ANKRD17: variants seen among roughly 807,000 people sequenced by gnomAD.
ANKRD17 encodes ankyrin repeat domain 17.
In ANKRD17, 19 loss-of-function variants were observed where a neutral mutation model predicts 229.7. The ratio of observed to expected loss-of-function variants is 0.08; its 90% confidence interval spans 0.06 to 0.12. ANKRD17 has a LOEUF of 0.12. ANKRD17 is among the 10% of genes least tolerant of loss of function. ANKRD17 has a pLI of 1.00. For missense variants in ANKRD17, 2,176 were observed against 3,176.8 expected (o/e 0.68, Z 7.57); for synonymous variants, 1,112 against 1,146.1 (o/e 0.97, Z 0.60).
chr4:73,074,350 T>C lies in ANKRD17; in HGVS notation c.*1881A>G, dbSNP rs955336337. On this transcript the variant is annotated 3_prime_UTR_variant, in exon 34 of 34. Coordinates refer to ENST00000358602, the MANE Select transcript of ANKRD17 (RefSeq NM_032217.5). ...GAAAGAATTAAGAAAAAAAATTTTA[T>C]GTATAGAATAGTGGCAAGTCATATA... is the stretch of plus-strand genomic sequence containing the variant. The C allele has an allele frequency of 1.3e-5, 2 of 152,010 alleles. No individual in the cohort carries two copies. Among genetic ancestry groups the C allele is most frequent in the African/African-American group, 2.4e-5 (1 of 41,442 alleles). The allele number at this position is 152,010 out of a possible 1,614,324, so 9.4% of individuals were successfully genotyped here.
At chr4:73,098,754 G>A in intron 25 of ANKRD17, 1 of 1,028,304 alleles carries the variant, frequency 9.7e-7, no homozygotes, top group Non-Finnish European at 1.5e-6. Flanking sequence ...GGCATTTCTG[G>A]TGCTGGCGTG....
At chr4:73,200,673 A>G (rs920595536) in intron 1 of ANKRD17, among the ~76,000 whole-genome samples, 1 of 152,190 alleles carries the variant, frequency 6.6e-6, no homozygotes, top group Non-Finnish European at 1.5e-5. Context: ...TCTAAATGCC[A>G]TTAGTTTTTG....
chr4:73,149,230 T>C (rs1296705354), intron 7 of ANKRD17, among the ~76,000 whole-genome samples, 180 bp from the exon 8 acceptor site: 3 of 151,854 alleles, frequency 2.0e-5, no homozygotes, highest in Non-Finnish European at 4.4e-5. Context: ...TCTGTTAACA[T>C]AGAAGAGGGA....
chr4:73,123,920 A>C (rs903570194), intron 18 of ANKRD17, among the ~76,000 whole-genome samples: 15 of 152,060 alleles, frequency 9.9e-5, no homozygotes, highest in African/African-American at 3.4e-4. Flanking sequence ...TAAAGGGTGA[A>C]ACAGTCACGA....
chr4:73,139,666 T>G lies in ANKRD17; in HGVS notation c.2950A>C (p.Ile984Leu). 6.2e-7 allele frequency: 1 copy of G among 1,614,134 alleles called. No homozygotes were observed. The change falls in exon 15 of 34, where the codon ATA becomes CTA. Residue 984 changes from isoleucine (I) to leucine (L), a missense_variant. Ile to Leu is a conservative substitution (Grantham distance 5). Transcript: ENST00000358602. ...IANLTELQGV[I>L]VGQPVLGQAQ... is the part of the protein sequence containing the mutation. ...TGGCCCAGTACTGGCTGTCCAACTATCACTCCTTGCAGTTCTGTAAGATTT... is the reference window on the plus strand; with the variant it reads ...TGGCCCAGTACTGGCTGTCCAACTAGCACTCCTTGCAGTTCTGTAAGATTT...
intron 1 of ANKRD17, among the ~76,000 whole-genome samples, chr4:73,213,188 C>A (rs1463738573): frequency 1.3e-5 from 2 of 151,990 alleles, no homozygotes; most frequent in East Asian, 3.9e-4. Context: ...GCATAAATTA[C>A]AAATGCTGAA....
chr4:73,101,856 C>T (rs1724040804), intron 25 of ANKRD17, among the ~76,000 whole-genome samples: 1 of 152,020 alleles, frequency 6.6e-6, no homozygotes, highest in East Asian at 1.9e-4. Flanking sequence ...CATCTGTCAA[C>T]TTGTCTGTAG....
intron 1 of ANKRD17, among the ~76,000 whole-genome samples, chr4:73,213,557 G>A (rs1330317765): frequency 6.6e-6 from 1 of 152,096 alleles, no homozygotes; most frequent in Non-Finnish European, 1.5e-5. Context: ...TTATGGTGGT[G>A]GGAAGATATG....
chr4:73,168,066 T>A (rs1303036273), intron 2 of ANKRD17, among the ~76,000 whole-genome samples: 1 of 151,678 alleles, frequency 6.6e-6, no homozygotes, highest in Non-Finnish European at 1.5e-5. Flanking sequence ...AGCAGGAGAA[T>A]GCCATGAACC....
intron 6 of ANKRD17, 36 bp from the exon 7 acceptor site, chr4:73,151,560 TTTA>T (rs1283389899): frequency 2.2e-6 from 3 of 1,358,780 alleles, no homozygotes; most frequent in Non-Finnish European, 3.0e-6. Context: ...TTGAAAATAT[TTTA>T]TTATTCCAAA....
chr4:73,218,837 C>T (rs1361961779), intron 1 of ANKRD17, among the ~76,000 whole-genome samples: 1 of 151,894 alleles, frequency 6.6e-6, no homozygotes, highest in East Asian at 1.9e-4. Flanking sequence ...CTGAGGCATG[C>T]GGATCACGAG....
chr4:73,155,902 A>C, intron 4 of ANKRD17, 117 bp downstream of exon 4: 1 of 1,482,598 alleles, frequency 6.7e-7, no homozygotes, highest in East Asian at 2.3e-5. Context: ...AATTTATCTA[A>C]CAAAACTATT....
chr4:73,114,929 A>G (rs888319321), intron 23 of ANKRD17, among the ~76,000 whole-genome samples: 1 of 152,218 alleles, frequency 6.6e-6, no homozygotes, highest in African/African-American at 2.4e-5. Context: ...ATCAAAATGT[A>G]TGTCTCCAGG....
At position 73,258,676 on chromosome 4, in the gene ANKRD17, G is replaced by C. The variant is rs1055536774; in HGVS notation, c.-8C>G. On this transcript the variant is annotated 5_prime_UTR_variant, in exon 1 of 34. Coordinates refer to ENST00000358602, the MANE Select transcript of ANKRD17 (RefSeq NM_032217.5). ...AACCGTCGCCTTCTCCATCCCCAGG[G>C]AAAGAGGGAGGGCGCGGACGGGGGA... 6.8e-7 allele frequency: 1 copy of C among 1,466,420 alleles called. No homozygotes were observed. The highest frequency in any genetic ancestry group is 1.5e-5 in the African/African-American group (1 of 67,406). The allele number at this position is 1,466,420 out of a possible 1,614,324, so 90.8% of individuals were successfully genotyped here. A position where few individuals can be genotyped will look rare whatever the true frequency, so the allele number is the denominator to read the frequency against.
intron 1 of ANKRD17, among the ~76,000 whole-genome samples, chr4:73,185,043 G>A (rs1450686360): frequency 1.3e-5 from 2 of 152,052 alleles, no homozygotes; most frequent in Admixed American, 1.3e-4. Flanking sequence ...AATGCATTAT[G>A]TGAGGTGAAG....
At chr4:73,160,694 C>G (rs1469388050) in intron 3 of ANKRD17, among the ~76,000 whole-genome samples, 1 of 152,056 alleles carries the variant, frequency 6.6e-6, no homozygotes, top group East Asian at 1.9e-4. Flanking sequence ...AATAAAGTCC[C>G]TGGACTCACA....
chr4:73,101,920 G>T (rs1724051883), intron 25 of ANKRD17, among the ~76,000 whole-genome samples: 1 of 151,860 alleles, frequency 6.6e-6, no homozygotes, highest in Non-Finnish European at 1.5e-5. Context: ...CAAAAAAAAA[G>T]CATATATCTT....
In ANKRD17 at chr4:73,141,738, G is replaced by C. The variant is rs1275762261; in HGVS notation, c.2332+3C>G. The C allele has an allele frequency of 6.2e-7, 1 of 1,611,730 alleles. No homozygotes were observed. Among genetic ancestry groups the C allele is most frequent in the Non-Finnish European group, 8.5e-7 (1 of 1,177,998 alleles). On this transcript the variant is annotated splice_donor_region_variant and intron_variant, in intron 14 of 33. Transcript: ENST00000358602. ...AGAAACAGTCTTTAGAAGTATAACT[G>C]ACCTTTATTCCTGATGGGAAGAGTG...
At chr4:73,133,699 G>A (rs754186686) in intron 16 of ANKRD17, among the ~76,000 whole-genome samples, 1 of 151,762 alleles carries the variant, frequency 6.6e-6, no homozygotes, top group Non-Finnish European at 1.5e-5. Context: ...CGGCCATCTC[G>A]TATTTTTTTT....
Sources: allele counts gnomAD v4.1 joint callset (sites outside exome capture counted in the v4.1 genomes callset), GRCh38; gene constraint gnomAD v4.1.1; transcripts MANE v1.5; gene names NCBI Gene and HGNC (gene_info 2026-07-23, HGNC 2026-07-21).